MCCC1: variants seen among roughly 807,000 people sequenced by gnomAD.
MCCC1 encodes the protein methylcrotonoyl-CoA carboxylase subunit alpha, mitochondrial.
A neutral mutation model predicts 83.8 loss-of-function variants in MCCC1; 64 were observed. The observed-to-expected ratio is 0.76, with a 90% confidence interval of 0.62 to 0.94. The LOEUF (loss-of-function observed/expected upper bound fraction) is 0.94. Ranked by LOEUF, MCCC1 falls within the 40% of genes least tolerant of loss-of-function variation. The pLI, the probability that MCCC1 is intolerant of heterozygous loss-of-function variation, is 0.00. For missense variants in MCCC1, 807 were observed against 904.7 expected, an observed-to-expected ratio of 0.89 and a Z score of 1.39; for synonymous variants, 322 against 315.4, an observed-to-expected ratio of 1.02 and a Z score of -0.22.
intron 4 of MCCC1, among the ~76,000 whole-genome samples, chr3:183,081,943 G>A (rs763440547): frequency 6.6e-5 from 10 of 152,228 alleles, no homozygotes; most frequent in Non-Finnish European, 1.0e-4. Flanking sequence ...AGGCAAGGGA[G>A]AGCCAGCTGT....
At chr3:183,091,140 C>A (rs897456476) in intron 3 of MCCC1, 3 of 421,482 alleles carry the variant, frequency 7.1e-6, no homozygotes, top group Admixed American at 2.6e-5. Context: ...GCCACAAGGG[C>A]CTGCTGTACA....
intron 1 of MCCC1, among the ~76,000 whole-genome samples, chr3:183,110,147 C>T (rs1719470056): frequency 6.6e-6 from 1 of 152,098 alleles, no homozygotes; most frequent in African/African-American, 2.4e-5. Flanking sequence ...GGGTATTAGA[C>T]CTTTGTCAGA....
chr3:183,113,196 C>G (rs1719528841), intron 1 of MCCC1, among the ~76,000 whole-genome samples: 1 of 149,788 alleles, frequency 6.7e-6, no homozygotes, highest in East Asian at 2.0e-4. Flanking sequence ...TGCACTCCAG[C>G]CTGGTGACAG....
In MCCC1 at chr3:183,071,188, A is replaced by T. The variant is rs779462755; in HGVS notation, c.639+22T>A. On this transcript the variant is annotated intron_variant, in intron 6 of 18. Transcript: ENST00000265594. ...AAAGAAGACAAGCCTGAATTGGCAA[A>T]CACAAGCATGCACAATCTTACTTTT... is the stretch of plus-strand genomic sequence containing the variant. 3 of 1,614,154 alleles carry T rather than the reference A, an allele frequency of 1.9e-6. No homozygotes were observed. In the East Asian group the frequency reaches 6.7e-5, roughly 36 times the overall value.
chr3:183,052,333 C>T lies in MCCC1; in HGVS notation c.874-93G>A, dbSNP rs554794953. ...AATTCAGTCAGGTGCCACATAATGA[C>T]GTTTCTTAGTCAACAACAGACCACA... On this transcript the variant is annotated intron_variant, in intron 8 of 18. Coordinates refer to ENST00000265594, the MANE Select transcript of MCCC1 (RefSeq NM_020166.5). 5 of 1,091,464 alleles carry T rather than the reference C, an allele frequency of 4.6e-6. 1 individual carries two copies. Among genetic ancestry groups the T allele is most frequent in the Admixed American group, 3.7e-5 (2 of 54,176 alleles). The allele number at this position is 1,091,464 out of a possible 1,614,324, so 67.6% of individuals were successfully genotyped here. A position where few individuals can be genotyped will look rare whatever the true frequency, so the allele number is the denominator to read the frequency against.
chr3:183,101,489 T>C (rs1719296031), upstream of MCCC1, among the ~76,000 whole-genome samples: 1 of 152,198 alleles, frequency 6.6e-6, no homozygotes, highest in Non-Finnish European at 1.5e-5. Context: ...CTAGCTGCTC[T>C]GGTGGGGCCT....
At chr3:183,062,359 T>G (rs1411056859) in intron 7 of MCCC1, among the ~76,000 whole-genome samples, 61 of 148,206 alleles carry the variant, frequency 4.1e-4, no homozygotes, top group African/African-American at 1.5e-3. Flanking sequence ...AGTTTTTTTT[T>G]TTTTTTTTTT....
intron 4 of MCCC1, among the ~76,000 whole-genome samples, chr3:183,074,441 T>G (rs1716917249): frequency 6.6e-6 from 1 of 152,218 alleles, no homozygotes; most frequent in South Asian, 2.1e-4. Flanking sequence ...TCAGTAGCCC[T>G]GAGGGGATTT....
upstream of MCCC1, among the ~76,000 whole-genome samples, chr3:183,103,047 G>A (rs564536580): frequency 4.2e-4 from 64 of 152,022 alleles, no homozygotes; most frequent in African/African-American, 1.4e-3. Flanking sequence ...AGATCCTCGC[G>A]GTGAGTGTTA....
chr3:183,036,155 T>A (rs1713568999), intron 13 of MCCC1, among the ~76,000 whole-genome samples: 1 of 152,034 alleles, frequency 6.6e-6, no homozygotes, highest in Non-Finnish European at 1.5e-5. Context: ...AACTTCCAGT[T>A]TCCCAAGGTG....
chr3:183,093,856 G>C (rs901349279), intron 2 of MCCC1, among the ~76,000 whole-genome samples: 3 of 151,830 alleles, frequency 2.0e-5, no homozygotes, highest in African/African-American at 7.3e-5. Flanking sequence ...TCATAGTTGG[G>C]AATTCCATGT....
At chr3:183,039,000 C>A in intron 12 of MCCC1, 26 bp downstream of exon 12, 1 of 1,601,992 alleles carries the variant, frequency 6.2e-7, no homozygotes, top group South Asian at 1.1e-5. Context: ...ACATCAAGGT[C>A]ACTGGCACGG....
intron 1 of MCCC1, among the ~76,000 whole-genome samples, chr3:183,106,490 C>CT (rs1303118707): frequency 6.7e-6 from 1 of 150,308 alleles, no homozygotes; most frequent in Non-Finnish European, 1.5e-5. Flanking sequence ...TCTTTTCTTT[C>CT]TTTCTTTCTT....
At chr3:183,033,246 A>G (rs1024491354) in intron 14 of MCCC1, among the ~76,000 whole-genome samples, 1 of 152,250 alleles carries the variant, frequency 6.6e-6, no homozygotes, top group African/African-American at 2.4e-5. Context: ...AAAATCAGTC[A>G]CTAAGTCGAG....
At chr3:183,057,462 G>T in intron 7 of MCCC1, 40 bp from the exon 8 acceptor site, 1 of 1,451,150 alleles carries the variant, frequency 6.9e-7, no homozygotes, top group Non-Finnish European at 9.5e-7. Context: ...TATTTGTTAG[G>T]GGTGATAAAT....
chr3:183,020,440 T>C (rs1712058696), intron 16 of MCCC1, among the ~76,000 whole-genome samples: 1 of 151,894 alleles, frequency 6.6e-6, no homozygotes, highest in Admixed American at 6.6e-5. Context: ...AAGACCAGCC[T>C]GGGCAATATA....
rs115413319 is a variant in MCCC1, at chr3:183,114,866, G to A, written c.-102+608C>T. Among the ~76,000 whole-genome samples the A allele has an allele frequency of 3.5e-3, 534 of 152,290 alleles. 2 individuals are homozygous for A. The highest frequency in any genetic ancestry group is 0.012 in the African/African-American group (506 of 41,572). ...AGCAGGACCCATGCTGGCTGCCCCT[G>A]TATTTTGCTCCTAGGGATTCCCTGC... On this transcript the variant is annotated intron_variant, in intron 1 of 17. Coordinates refer to the MCCC1 transcript ENST00000492597.
chr3:183,052,251 A>T lies in MCCC1; in HGVS notation c.874-11T>A. 2 of 1,611,402 alleles carry T rather than the reference A, an allele frequency of 1.2e-6. No homozygotes were observed. Among genetic ancestry groups the T allele is most frequent in the Non-Finnish European group, 1.7e-6 (2 of 1,177,688 alleles). ...AGATTTAATACCAGGCTATGAAAAA[A>T]ATATGTAAATAAATCTCCATTAGTA... On this transcript the variant is annotated splice_polypyrimidine_tract_variant and intron_variant, in intron 8 of 18. Coordinates refer to ENST00000265594, the MANE Select transcript of MCCC1 (RefSeq NM_020166.5).
At chr3:183,061,666 T>G (rs1177404130) in intron 7 of MCCC1, among the ~76,000 whole-genome samples, 4 of 152,274 alleles carry the variant, frequency 2.6e-5, no homozygotes, top group African/African-American at 9.6e-5. Context: ...ACTTGCATGC[T>G]TGTCCAGATT....
Sources: gnomAD v4.1 joint callset for allele counts (sites outside exome capture counted in the v4.1 genomes callset) on GRCh38, gnomAD v4.1.1 for gene constraint, MANE v1.5 for transcripts, NCBI Gene and HGNC (gene_info 2026-07-23, HGNC 2026-07-21) for gene names.